The following TSHZ2 variants were observed in gnomAD, a reference collection of about 807,000 sequenced individuals.
TSHZ2 encodes teashirt homolog 2.
In TSHZ2, 21 loss-of-function variants were observed where a neutral mutation model predicts 74.4. The observed-to-expected ratio is 0.28, with a 90% CI of 0.20 to 0.41. TSHZ2 has a LOEUF of 0.41. TSHZ2 is among the 10% of genes least tolerant of loss of function. TSHZ2 has a pLI of 1.00. For missense variants in TSHZ2, 1,244 were observed against 1,293.5 expected (o/e 0.96, Z 0.59); for synonymous variants, 540 against 515.3 (o/e 1.05, Z -0.65).
At chr20:53,061,452 A>T (rs1410561317) in intron 1 of TSHZ2, among the ~76,000 whole-genome samples, 1 of 152,206 alleles carries the variant, frequency 6.6e-6, no homozygotes, top group Non-Finnish European at 1.5e-5. Flanking sequence ...AAAGGAAAAG[A>T]TATAAGATTA....
intron 2 of TSHZ2, among the ~76,000 whole-genome samples, chr20:53,441,279 A>ATTTTATTTT (rs1984313397): frequency 3.6e-5 from 3 of 82,532 alleles, no homozygotes; most frequent in African/African-American, 1.2e-4. Flanking sequence ...TATTTTATTT[A>ATTTTATTTT]TTTTGAGATG....
At chr20:53,192,826 C>T (rs1185522612) in intron 1 of TSHZ2, among the ~76,000 whole-genome samples, 3 of 152,142 alleles carry the variant, frequency 2.0e-5, no homozygotes, top group Admixed American at 2.0e-4. Flanking sequence ...GCAATTTTTC[C>T]AAACTTTTCA....
In TSHZ2 at chr20:53,024,132, C is replaced by T. The variant is rs376712705; in HGVS notation, c.40+50799C>T. Reference sequence around the variant, plus strand: ...TTTTTTGAGTCAAAAAACAAAAAAGCTGTACTCATAACCAGAGTGTATGGC... The same window carrying T: ...TTTTTTGAGTCAAAAAACAAAAAAGTTGTACTCATAACCAGAGTGTATGGC... On this transcript the variant is annotated intron_variant, in intron 1 of 2. Transcript: ENST00000371497. Among the ~76,000 whole-genome samples the T allele has an allele frequency of 1.7e-4, 25 of 151,404 alleles. No homozygotes were observed. The East Asian group carries it at 3.1e-3, about 19-fold the overall frequency.
intron 2 of TSHZ2, among the ~76,000 whole-genome samples, chr20:53,304,968 C>T (rs1356141918): frequency 7.1e-6 from 1 of 141,496 alleles, no homozygotes; most frequent in Non-Finnish European, 1.5e-5. Context: ...CGGAGTCTTG[C>T]TCTGTCGCCC....
chr20:53,476,115 T>C (rs1454453867), intron 2 of TSHZ2, among the ~76,000 whole-genome samples: 1 of 144,324 alleles, frequency 6.9e-6, no homozygotes, highest in Non-Finnish European at 1.5e-5. Context: ...TCTGGAACTA[T>C]TCCAATCAAT....
chr20:53,444,879 C>T (rs146835867), intron 2 of TSHZ2, among the ~76,000 whole-genome samples: 80 of 152,318 alleles, frequency 5.3e-4, no homozygotes, highest in African/African-American at 1.9e-3. Flanking sequence ...CAGCCCAACC[C>T]CTGGCTCCTT....
At chr20:53,027,891 T>TA (rs1983505061) in intron 1 of TSHZ2, among the ~76,000 whole-genome samples, 1 of 151,992 alleles carries the variant, frequency 6.6e-6, no homozygotes, top group South Asian at 2.1e-4. Context: ...GATATTTTTT[T>TA]TAAAAAAGAA....
At chr20:53,112,020 C>T (rs1379157128) in intron 1 of TSHZ2, among the ~76,000 whole-genome samples, 2 of 152,186 alleles carry the variant, frequency 1.3e-5, no homozygotes, top group Non-Finnish European at 1.5e-5. Flanking sequence ...ACACCCATGT[C>T]CCGGCCTCAT....
chr20:53,037,863 A>C lies in TSHZ2; in HGVS notation c.40+64530A>C, dbSNP rs554577397. Among the ~76,000 whole-genome samples, 5 of 152,164 alleles carry C rather than the reference A, an allele frequency of 3.3e-5. No homozygotes were observed. In the South Asian group the frequency reaches 1.0e-3, roughly 32 times the overall value. On this transcript the variant is annotated intron_variant, in intron 1 of 2. Transcript: ENST00000371497. ...CTGGTCCACCCTCTCTCCACACCCA[A>C]CTTCATGAGATGCACAGGGGCCTGT...
intron 2 of TSHZ2, among the ~76,000 whole-genome samples, chr20:53,333,679 A>G (rs1298174138): frequency 6.6e-6 from 1 of 152,064 alleles, no homozygotes; most frequent in East Asian, 1.9e-4. Flanking sequence ...GATGGTCTCG[A>G]TCTCCTGACC....
Position 53,024,671 on chromosome 20 carries a change from G to A in TSHZ2, c.40+51338G>A, listed in dbSNP as rs146570791. On this transcript the variant is annotated intron_variant, in intron 1 of 2. Transcript: ENST00000371497. ...AGCCCCCCACCCACCAACAGGCCCC[G>A]GTGTGTGATGTTCCCCCCACTGTGT... 4.3e-3 allele frequency among the ~76,000 whole-genome samples: 649 copies of A among 151,986 alleles called. 3 individuals carry two copies. Among genetic ancestry groups the A allele is most frequent in the Middle Eastern group, 0.01 (3 of 294 alleles).
chr20:53,170,244 C>T (rs1351160178), intron 1 of TSHZ2, among the ~76,000 whole-genome samples: 1 of 152,210 alleles, frequency 6.6e-6, no homozygotes, highest in Non-Finnish European at 1.5e-5. Flanking sequence ...ATACTGTAAA[C>T]AGAATCGCTG....
intron 2 of TSHZ2, among the ~76,000 whole-genome samples, chr20:53,422,087 G>C (rs1195340337): frequency 6.6e-6 from 1 of 152,152 alleles, no homozygotes; most frequent in African/African-American, 2.4e-5. Context: ...TCTTAATGCA[G>C]TTCGTTGGGT....
At chr20:53,170,481 C>T (rs1988173242) in intron 1 of TSHZ2, among the ~76,000 whole-genome samples, 1 of 152,190 alleles carries the variant, frequency 6.6e-6, no homozygotes, top group Non-Finnish European at 1.5e-5. Context: ...ATCTTGACAA[C>T]CTTGACGCTA....
At chr20:53,362,045 G>T (rs536909021) in intron 2 of TSHZ2, among the ~76,000 whole-genome samples, 3 of 151,802 alleles carry the variant, frequency 2.0e-5, no homozygotes, top group Non-Finnish European at 4.4e-5. Flanking sequence ...TCAGTCTCCC[G>T]AGTAGCTGGG....
In TSHZ2 at chr20:53,272,045, T is replaced by C. The variant is rs112753066; in HGVS notation, c.*8+15474T>C. On this transcript the variant is annotated intron_variant, in intron 2 of 2. Coordinates refer to ENST00000371497, the MANE Select transcript of TSHZ2 (RefSeq NM_173485.6). ...TTTTTTCTTTTGTGACGGAGTCTTG[T>C]TCTGTTGCCAGGCTGGAGTGCAGTG... 6.6e-4 allele frequency among the ~76,000 whole-genome samples: 100 copies of C among 152,008 alleles called. 1 individual carries two copies. The highest frequency in any genetic ancestry group is 1.1e-3 in the Non-Finnish European group (73 of 67,976).
At chr20:53,017,982 T>C (rs552718303) in intron 1 of TSHZ2, among the ~76,000 whole-genome samples, 1 of 152,332 alleles carries the variant, frequency 6.6e-6, no homozygotes, top group Admixed American at 6.5e-5. Flanking sequence ...AGGTGGAGTA[T>C]GCAATGCAGT....
In TSHZ2 at chr20:53,368,026, G is replaced by T. The variant is rs749825550; in HGVS notation, c.*8+111455G>T. ...CACACTTGTTTATACGTGACGTAGC[G>T]CCGATTTCACAGCTTGGACTCATGA... On this transcript the variant is annotated intron_variant, in intron 2 of 2. Transcript: ENST00000371497. Among the ~76,000 whole-genome samples, 3 of 151,978 alleles carry T rather than the reference G, an allele frequency of 2.0e-5. No homozygotes were observed. In the South Asian group the frequency reaches 6.2e-4, roughly 32 times the overall value.
chr20:53,366,094 T>C (rs576956790), intron 2 of TSHZ2, among the ~76,000 whole-genome samples: 46 of 152,252 alleles, frequency 3.0e-4, no homozygotes, highest in Non-Finnish European at 5.7e-4. Flanking sequence ...TACAAACAGC[T>C]CAGTCTCTGT....
Sources: gnomAD v4.1 joint callset for allele counts (sites outside exome capture counted in the v4.1 genomes callset) on GRCh38, gnomAD v4.1.1 for gene constraint, MANE v1.5 for transcripts, NCBI Gene and HGNC (gene_info 2026-07-23, HGNC 2026-07-21) for gene names.